The following AKR1A1 variants were observed in gnomAD, a reference collection of about 807,000 sequenced individuals.
AKR1A1 encodes the protein HEL-S-165mP.
AKR1A1 carries 26 observed loss-of-function variants against 39.2 expected under a neutral mutation model. That is an observed-to-expected ratio of 0.66 (90% CI 0.49 to 0.92). AKR1A1 has a LOEUF of 0.92. Ranked by LOEUF, AKR1A1 falls within the 40% of genes least tolerant of loss-of-function variation. AKR1A1 has a pLI of 0.00. For missense variants in AKR1A1, 378 were observed against 406.5 expected, an observed-to-expected ratio of 0.93 and a Z score of 0.60; for synonymous variants, 141 against 155.5, an observed-to-expected ratio of 0.91 and a Z score of 0.69.
At chr1:45,551,199 T>A (rs1486102382) in intron 1 of AKR1A1, 44 bp downstream of exon 1, 1 of 152,394 alleles carries the variant, frequency 6.6e-6, no homozygotes, top group Non-Finnish European at 1.5e-5. Flanking sequence ...CCGGAGGAGA[T>A]GGCCTCGATT....
intron 1 of AKR1A1, among the ~76,000 whole-genome samples, chr1:45,553,625 T>C (rs1468692887): frequency 2.0e-5 from 3 of 152,208 alleles, no homozygotes; most frequent in Non-Finnish European, 4.4e-5. Context: ...TTAACAAGAT[T>C]TAAAACCCAG....
At position 45,568,598 on chromosome 1, in the gene AKR1A1, T is replaced by C. The variant is rs1200843983; in HGVS notation, c.666T>C (p.Asp222=). The change falls in exon 6 of 9, where the codon GAT becomes GAC. Residue 222 remains aspartate (D), a synonymous_variant. Coordinates refer to ENST00000351829, the MANE Select transcript of AKR1A1 (RefSeq NM_153326.3). ...PLGSSDRAWR[D]PDEPVLLEEP... ...GCTCCTCTGATCGTGCATGGCGTGA[T>C]CCTGATGAGCCTGTCCTGCTGGAGG... 3.1e-6 allele frequency: 5 copies of C among 1,613,898 alleles called. No individual in the cohort carries two copies. In the African/African-American group the frequency reaches 6.7e-5, roughly 22 times the overall value.
rs562410901 is a variant in AKR1A1 at position 45,568,792 on chromosome 1, G to A, written c.752+108G>A. ...GAGGATCTTGCCTTGTGATCTGGAG[G>A]GAGGCCACTGTAGGCATATTTCCCA... On this transcript the variant is annotated intron_variant, in intron 6 of 8. Transcript: ENST00000351829. The A allele has an allele frequency of 1.5e-5, 23 of 1,530,702 alleles. No individual in the cohort carries two copies. In the South Asian group the frequency reaches 2.3e-4, roughly 15 times the overall value. 94.8% of individuals were successfully genotyped at this position (1,530,702 alleles called of 1,614,324 possible).
In AKR1A1 at chr1:45,570,033, A is replaced by C; in HGVS notation, c.*77A>C. On this transcript the variant is annotated 3_prime_UTR_variant, in exon 9 of 9. Coordinates refer to ENST00000351829, the MANE Select transcript of AKR1A1 (RefSeq NM_153326.3). ...CACAACGGAAAGAGGGAGTTAATAAAGCCATTGGAGCATCCATATTGCTTG... is the reference window on the plus strand; with the variant it reads ...CACAACGGAAAGAGGGAGTTAATAACGCCATTGGAGCATCCATATTGCTTG... The C allele has an allele frequency of 7.2e-7, 1 of 1,387,288 alleles. No homozygotes were observed. The highest frequency in any genetic ancestry group is 1.0e-6 in the Non-Finnish European group (1 of 974,704). The allele number at this position is 1,387,288 out of a possible 1,614,324, so 85.9% of individuals were successfully genotyped here.
chr1:45,558,783 G>A (rs1360141953), intron 1 of AKR1A1, among the ~76,000 whole-genome samples: 1 of 152,156 alleles, frequency 6.6e-6, no homozygotes, highest in Non-Finnish European at 1.5e-5. Context: ...CGTCGCATCG[G>A]CCTTCCAGAG....
At chr1:45,569,105 C>G in intron 7 of AKR1A1, 38 bp from the exon 8 acceptor site, 3 of 1,603,064 alleles carry the variant, frequency 1.9e-6, no homozygotes, top group Non-Finnish European at 2.6e-6. Context: ...CTTCTGCTCA[C>G]AAAGCTGGCT....
intron 2 of AKR1A1, among the ~76,000 whole-genome samples, chr1:45,565,763 C>T (rs148923947): frequency 2.0e-5 from 3 of 152,114 alleles, no homozygotes; most frequent in African/African-American, 7.2e-5. Context: ...GCGTGAGCCA[C>T]CACGCCTGGC....
At chr1:45,568,367 C>A in intron 5 of AKR1A1, 118 bp from the exon 6 acceptor site, 1 of 1,285,334 alleles carries the variant, frequency 7.8e-7, no homozygotes, top group Non-Finnish European at 1.1e-6. Context: ...GTGAGAAAAG[C>A]AGGCTGAAGG....
In AKR1A1 at chr1:45,570,018, A is replaced by G. The variant is rs1644394519; in HGVS notation, c.*62A>G. ...CTAATGAGGTCCTGCCACAACGGAA[A>G]GAGGGAGTTAATAAAGCCATTGGAG... On this transcript the variant is annotated 3_prime_UTR_variant, in exon 9 of 9. Transcript: ENST00000351829. The G allele has an allele frequency of 6.7e-7, 1 of 1,500,006 alleles. No individual in the cohort carries two copies. The highest frequency in any genetic ancestry group is 1.4e-5 in the African/African-American group (1 of 72,604). 92.9% of individuals were successfully genotyped at this position (1,500,006 alleles called of 1,614,324 possible). A position where few individuals can be genotyped will look rare whatever the true frequency, so the allele number is the denominator to read the frequency against.
chr1:45,564,947 T>A (rs1218378963), intron 2 of AKR1A1, among the ~76,000 whole-genome samples: 4 of 148,064 alleles, frequency 2.7e-5, no homozygotes, highest in African/African-American at 1.0e-4. Flanking sequence ...CTCAGCCTCC[T>A]GAGTAGCTGG....
intron 1 of AKR1A1, among the ~76,000 whole-genome samples, chr1:45,554,486 T>C (rs1320859933): frequency 2.6e-5 from 4 of 151,844 alleles, no homozygotes; most frequent in African/African-American, 9.7e-5. Flanking sequence ...TCCCAGCTAC[T>C]CGGGATTGCT....
At chr1:45,556,463 C>A (rs1644204258) in intron 1 of AKR1A1, among the ~76,000 whole-genome samples, 1 of 152,048 alleles carries the variant, frequency 6.6e-6, no homozygotes, top group South Asian at 2.1e-4. Flanking sequence ...CGCCTGTAAT[C>A]CCAGCTACTC....
intron 2 of AKR1A1, among the ~76,000 whole-genome samples, chr1:45,562,113 G>C (rs1413858037): frequency 6.6e-6 from 1 of 152,074 alleles, no homozygotes; most frequent in Non-Finnish European, 1.5e-5. Context: ...ACTGAGTGCT[G>C]TGGCAAACAT....
rs553787563 is a variant in AKR1A1, at chr1:45,553,116, C to T, written c.-7+1961C>T. Among the ~76,000 whole-genome samples, 242 of 147,620 alleles carry T rather than the reference C, an allele frequency of 1.6e-3. 1 individual carries two copies. Among genetic ancestry groups the T allele is most frequent in the Non-Finnish European group, 2.7e-3 (182 of 67,160 alleles). ...TTCCAGCCTGGGCAACAGAGTGAGA[C>T]TCTGTCTCAAAAAAAAATTTAAAAA... is the stretch of plus-strand genomic sequence containing the variant. On this transcript the variant is annotated intron_variant, in intron 1 of 8. Coordinates refer to ENST00000351829, the MANE Select transcript of AKR1A1 (RefSeq NM_153326.3).
At chr1:45,566,492 C>G in intron 2 of AKR1A1, 77 bp from the exon 3 acceptor site, 1 of 1,580,176 alleles carries the variant, frequency 6.3e-7, no homozygotes, top group Non-Finnish European at 8.6e-7. Flanking sequence ...CCCCTTCCCC[C>G]AGCATTGACC....
chr1:45,568,239 A>ATCCATCGTCTGCTCC, intron 5 of AKR1A1, 62 bp downstream of exon 5: 2 of 1,525,658 alleles, frequency 1.3e-6, no homozygotes, highest in South Asian at 1.2e-5. Flanking sequence ...GAGGGAGCAG[A>ATCCATCGTCTGCTCC]CGATGGATCT....
Position 45,569,002 on chromosome 1 carries a change from A to G in AKR1A1, c.825+3A>G. On this transcript the variant is annotated splice_donor_region_variant and intron_variant, in intron 7 of 8. Transcript: ENST00000351829. ...CTCGAATCCTTCAGAACATCAAGGTACTTGGTAATGGGTTCTATCTTCTTT... is the reference window on the plus strand; with the variant it reads ...CTCGAATCCTTCAGAACATCAAGGTGCTTGGTAATGGGTTCTATCTTCTTT... The G allele has an allele frequency of 6.2e-7, 1 of 1,613,972 alleles. No individual in the cohort carries two copies. Among genetic ancestry groups the G allele is most frequent in the Non-Finnish European group, 8.5e-7 (1 of 1,179,842 alleles).
intron 1 of AKR1A1, among the ~76,000 whole-genome samples, chr1:45,557,091 G>A (rs1644214984): frequency 6.6e-6 from 1 of 152,110 alleles, no homozygotes; most frequent in Admixed American, 6.6e-5. Context: ...TGGGGAGGCT[G>A]AGGCAGGAGA....
intron 1 of AKR1A1, among the ~76,000 whole-genome samples, chr1:45,559,844 C>T (rs1455586950): frequency 7.3e-5 from 11 of 151,678 alleles, no homozygotes; most frequent in South Asian, 2.1e-4. Flanking sequence ...GACGGGGTTT[C>T]GCTATGTTGA....
Sources: allele counts gnomAD v4.1 joint callset (sites outside exome capture counted in the v4.1 genomes callset), GRCh38; gene constraint gnomAD v4.1.1; transcripts MANE v1.5; gene names NCBI Gene and HGNC (gene_info 2026-07-23, HGNC 2026-07-21).